TAS2R1: variants seen among roughly 807,000 people sequenced by gnomAD.
The protein encoded by TAS2R1 is taste receptor type 2 member 1.
For missense variants in TAS2R1, 370 were observed against 353.4 expected, an observed-to-expected ratio of 1.05 and a Z score of -0.38; for synonymous variants, 141 against 134.2, an observed-to-expected ratio of 1.05 and a Z score of -0.35.
chr5:9,663,643 A>G (rs867113704), intron 1 of TAS2R1, among the ~76,000 whole-genome samples: 1 of 152,218 alleles, frequency 6.6e-6, no homozygotes, highest in African/African-American at 2.4e-5. Context: ...TTATAAAGCT[A>G]TGTGCTATTC....
At chr5:9,862,424 G>A in the TAS2R1 span, among the ~76,000 whole-genome samples, 1 of 152,078 alleles carries the variant, frequency 6.6e-6, no homozygotes, top group Non-Finnish European at 1.5e-5. Context: ...AGCCGTGGAG[G>A]AAGGGAAGCA....
the TAS2R1 span, among the ~76,000 whole-genome samples, chr5:9,757,913 T>A: frequency 1.4e-5 from 2 of 140,116 alleles, no homozygotes; most frequent in African/African-American, 5.0e-5. Flanking sequence ...AGGCTATTTT[T>A]TTCATGAGAA....
chr5:9,865,112 G>A, the TAS2R1 span, among the ~76,000 whole-genome samples: 3 of 152,216 alleles, frequency 2.0e-5, no homozygotes, highest in African/African-American at 7.2e-5. Flanking sequence ...CACTCTGGCT[G>A]CTGAGTGGAG....
chr5:9,761,876 C>T, the TAS2R1 span, among the ~76,000 whole-genome samples: 13 of 152,220 alleles, frequency 8.5e-5, no homozygotes, highest in Non-Finnish European at 1.6e-4. Context: ...TTCTGTGTAG[C>T]TCCACTGACA....
At chr5:9,711,903 C>A (rs1195507236) in intron 1 of TAS2R1, among the ~76,000 whole-genome samples, 1 of 150,998 alleles carries the variant, frequency 6.6e-6, no homozygotes, top group Non-Finnish European at 1.5e-5. Context: ...TGACCTCAGG[C>A]GATGCACCCA....
the TAS2R1 span, among the ~76,000 whole-genome samples, chr5:9,842,007 A>T: frequency 6.6e-6 from 1 of 152,184 alleles, no homozygotes; most frequent in South Asian, 2.1e-4. Context: ...TAGAAGTCTC[A>T]TGTTCTCTTC....
At chr5:9,801,124 G>A in the TAS2R1 span, among the ~76,000 whole-genome samples, 1,231 of 152,304 alleles carry the variant, frequency 8.1e-3, 12 homozygotes, top group African/African-American at 0.028. Context: ...CCTGGGAGGC[G>A]GAGTTGCAGT....
At chr5:9,840,891 T>A in the TAS2R1 span, among the ~76,000 whole-genome samples, 1 of 88,630 alleles carries the variant, frequency 1.1e-5, no homozygotes, top group African/African-American at 3.9e-5. Context: ...TTTTTTTTTT[T>A]TTGAGATGGA....
At position 9,671,284 on chromosome 5, in the gene TAS2R1, C is replaced by T. The variant is rs377593087; in HGVS notation, c.-241-11703G>A. Among the ~76,000 whole-genome samples the T allele has an allele frequency of 7.2e-5, 11 of 152,248 alleles. No homozygotes were observed. The East Asian group carries it at 1.7e-3, about 24-fold the overall frequency. On this transcript the variant is annotated intron_variant, in intron 1 of 2. Coordinates refer to the TAS2R1 transcript ENST00000506620. ...CCTATTCAACACAGTACTGAAAATT[C>T]TAGCCAGAAAAATCAGGCAAGAGAA...
At chr5:9,813,811 C>T in the TAS2R1 span, among the ~76,000 whole-genome samples, 2 of 152,144 alleles carry the variant, frequency 1.3e-5, no homozygotes, top group Non-Finnish European at 2.9e-5. Flanking sequence ...GTACATCCTG[C>T]CACATCTGTC....
intron 2 of TAS2R1, among the ~76,000 whole-genome samples, chr5:9,652,941 G>T (rs1021529622): frequency 1.3e-5 from 2 of 151,934 alleles, no homozygotes; most frequent in African/African-American, 2.4e-5. Context: ...AGTGGCATTG[G>T]GTACATTCAC....
chr5:9,738,011 G>A, the TAS2R1 span, among the ~76,000 whole-genome samples: 96 of 152,270 alleles, frequency 6.3e-4, no homozygotes, highest in Admixed American at 5.0e-3. Flanking sequence ...CAGTGTTAAC[G>A]CAGACCTTTC....
chr5:9,834,762 A>AC, the TAS2R1 span, among the ~76,000 whole-genome samples: 2 of 151,082 alleles, frequency 1.3e-5, no homozygotes, highest in African/African-American at 4.9e-5. Flanking sequence ...TTAAAAAAAA[A>AC]AAAGAAACCC....
At chr5:9,705,578 G>T (rs1401267453) in intron 1 of TAS2R1, among the ~76,000 whole-genome samples, 1 of 152,104 alleles carries the variant, frequency 6.6e-6, no homozygotes, top group Non-Finnish European at 1.5e-5. Context: ...TTTAGTGCTG[G>T]CCAAGCACGG....
At chr5:9,649,198 A>G (rs1054571767) in intron 2 of TAS2R1, among the ~76,000 whole-genome samples, 3 of 152,202 alleles carry the variant, frequency 2.0e-5, no homozygotes, top group Non-Finnish European at 2.9e-5. Context: ...CCGGGAAGCT[A>G]CCAAAAGTCA....
chr5:9,731,914 GT>G, the TAS2R1 span, among the ~76,000 whole-genome samples: 29 of 152,340 alleles, frequency 1.9e-4, no homozygotes, highest in East Asian at 4.0e-3. Flanking sequence ...TCATTTGCTA[GT>G]TATGGTTAAC....
chr5:9,777,014 G>A, the TAS2R1 span, among the ~76,000 whole-genome samples: 1 of 152,144 alleles, frequency 6.6e-6, no homozygotes, highest in African/African-American at 2.4e-5. Flanking sequence ...AAATGCTAAC[G>A]ATCATCTGAG....
the TAS2R1 span, chr5:9,902,866 TATCGGAGAAAAA>T: frequency 1.3e-5 from 2 of 151,870 alleles, no homozygotes; most frequent in Non-Finnish European, 2.9e-5. Flanking sequence ...TCACGGTGGC[TATCGGAGAAAAA>T]ATCACTCGTG....
At chr5:9,644,172 A>G (rs1740141888) in intron 2 of TAS2R1, among the ~76,000 whole-genome samples, 2 of 152,216 alleles carry the variant, frequency 1.3e-5, no homozygotes, top group Admixed American at 1.3e-4. Flanking sequence ...AATCACATTT[A>G]TATCCTACAA....
Sources: allele counts gnomAD v4.1 joint callset (sites outside exome capture counted in the v4.1 genomes callset), GRCh38; gene constraint gnomAD v4.1.1; transcripts MANE v1.5; gene names NCBI Gene and HGNC (gene_info 2026-07-23, HGNC 2026-07-21).